The following ABCA7 variants were observed in gnomAD, a reference collection of about 807,000 sequenced individuals.
ABCA7 encodes the protein ATP binding cassette subfamily A member 7, also known as phospholipid-transporting ATPase ABCA7.
In ABCA7, 261 loss-of-function variants were observed where a neutral mutation model predicts 227.6. The observed-to-expected ratio is 1.15, with a 90% confidence interval of 1.04 to 1.27. ABCA7 has a LOEUF of 1.27. Among genes scored for constraint, ABCA7 ranks in the 50% most tolerant of loss-of-function variants. The pLI, the probability that ABCA7 is intolerant of heterozygous loss-of-function variation, is 0.00. For synonymous variants in ABCA7, 1,488 were observed against 1,279.7 expected (o/e 1.16, Z -3.47); for missense variants, 3,331 against 2,924.5 (o/e 1.14, Z -3.21).
chr19:1,041,877 G>C lies in ABCA7; in HGVS notation c.207G>C (p.Trp69Cys), dbSNP rs966435425. ...KPLPSAGTVP[W>C]LQGLICNVNN... ...TGCCATCGGCGGGCACCGTGCCCTGGCTCCAGGGTCTCATCTGTAATGTGA... is the reference window on the plus strand; with the variant it reads ...TGCCATCGGCGGGCACCGTGCCCTGCCTCCAGGGTCTCATCTGTAATGTGA... The change falls in exon 4 of 47, where the codon TGG (tryptophan) becomes TGC (cysteine). Residue 69 changes from tryptophan to cysteine, a missense_variant. By Grantham distance (215) the Trp-to-Cys change is radical. Transcript: ENST00000263094. 6.3e-7 allele frequency: 1 copy of C among 1,598,340 alleles called. No homozygotes were observed. Among genetic ancestry groups the C allele is most frequent in the Admixed American group, 1.7e-5 (1 of 58,540 alleles).
chr19:1,042,612 G>T (rs764543340), intron 6 of ABCA7, 134 bp from the exon 7 acceptor site: 17 of 1,062,848 alleles, frequency 1.6e-5, no homozygotes, highest in Non-Finnish European at 2.4e-5. Flanking sequence ...GAGTCCCTTT[G>T]CCTCTCAGAG....
In ABCA7 at chr19:1,046,399, G is replaced by A. The variant is rs1182653248; in HGVS notation, c.1615G>A (p.Asp539Asn). Residue 539 changes from aspartate to asparagine, a missense_variant, in exon 13 of 47, where the codon GAC (aspartate) becomes AAC (asparagine). Coordinates refer to ENST00000263094, the MANE Select transcript of ABCA7 (RefSeq NM_019112.4). ...LQQMPYPCYV[D>N]DVFLRVLSRS... ...GCAGATGCCCTATCCGTGCTATGTG[G>A]ACGACGTGTGAGCTCTGGCACCCCT... 6.4e-7 allele frequency: 1 copy of A among 1,551,814 alleles called. No homozygotes were observed. Among genetic ancestry groups the A allele is most frequent in the Non-Finnish European group, 8.7e-7 (1 of 1,151,418 alleles).
At chr19:1,053,196 C>T (rs2041930572) in intron 23 of ABCA7, 133 bp from the exon 24 acceptor site, 4 of 944,800 alleles carry the variant, frequency 4.2e-6, no homozygotes, top group Non-Finnish European at 4.7e-6. Flanking sequence ...CCCGGCCGCA[C>T]CTGGCCTACG....
Position 1,054,854 on chromosome 19 carries a change from C to A in ABCA7, c.3926C>A (p.Pro1309His). Residue 1309 changes from proline (P) to histidine (H), a missense_variant, in exon 29 of 47, where the codon CCC (proline) becomes CAC (histidine). Physicochemically the swap from Pro to His is moderately conservative, Grantham distance 77. Coordinates refer to ENST00000263094, the MANE Select transcript of ABCA7 (RefSeq NM_019112.4). This position sits in a 1 kb window ranked among gnomAD's most constrained non-coding sequence, Gnocchi z 4.8. The part of the protein sequence containing the change: ...ALLQEAGLEE[P>H]PVQHSSHRFS... Reference sequence around the variant, plus strand: ...CTGCAGGAGGCAGGACTGGAGGAGCCCCCAGTGCAGCATAGCTCCCACAGG... The same window carrying A: ...CTGCAGGAGGCAGGACTGGAGGAGCACCCAGTGCAGCATAGCTCCCACAGG... 1 of 1,562,900 alleles carries A rather than the reference C, an allele frequency of 6.4e-7. No individual in the cohort carries two copies.
In ABCA7 at chr19:1,046,424, T is replaced by TC. The variant is rs551137285; in HGVS notation, c.1622+22dup. 0.011 allele frequency: 16,009 copies of TC among 1,519,860 alleles called. 109 individuals are homozygous for TC. Among genetic ancestry groups the TC allele is most frequent in the Non-Finnish European group, 0.012 (13,635 of 1,137,158 alleles). The allele number at this position is 1,519,860 out of a possible 1,614,324, so 94.1% of individuals were successfully genotyped here. A position where few individuals can be genotyped will look rare whatever the true frequency, so the allele number is the denominator to read the frequency against. Reference sequence around the variant, plus strand: ...GACGACGTGTGAGCTCTGGCACCCCTCCCCGCTCTTCCCCGCGGCGGGAAG... The same window carrying TC: ...GACGACGTGTGAGCTCTGGCACCCCTCCCCCGCTCTTCCCCGCGGCGGGAAG... On this transcript the variant is annotated intron_variant, in intron 13 of 46. Coordinates refer to ENST00000263094, the MANE Select transcript of ABCA7 (RefSeq NM_019112.4).
At position 1,041,887 on chromosome 19, in the gene ABCA7, C is replaced by A; in HGVS notation, c.217C>A (p.Leu73Ile). 1 of 1,600,736 alleles carries A rather than the reference C, an allele frequency of 6.2e-7. No individual in the cohort carries two copies. Among genetic ancestry groups the A allele is most frequent in the Non-Finnish European group, 8.5e-7 (1 of 1,178,356 alleles). ...GGGCACCGTGCCCTGGCTCCAGGGT[C>A]TCATCTGTAATGTGAACAACACCTG... Reference protein sequence around the residue: ...SAGTVPWLQGLICNVNNTCFP... With the variant: ...SAGTVPWLQGIICNVNNTCFP... The change falls in exon 4 of 47, where the codon CTC becomes ATC. Residue 73 changes from leucine to isoleucine, a missense_variant. Leu to Ile is a conservative substitution (Grantham distance 5, BLOSUM62 2). Coordinates refer to ENST00000263094, the MANE Select transcript of ABCA7 (RefSeq NM_019112.4).
Position 1,056,317 on chromosome 19 carries a change from G to T in ABCA7, c.4417-13G>T. 6.2e-7 allele frequency: 1 copy of T among 1,611,194 alleles called. No individual in the cohort carries two copies. ...CCCATTGCTCTGACCCTATGACCTTGACCCCCACCCAGATCTGGTTCAACA... is the reference window on the plus strand; with the variant it reads ...CCCATTGCTCTGACCCTATGACCTTTACCCCCACCCAGATCTGGTTCAACA... On this transcript the variant is annotated splice_polypyrimidine_tract_variant and intron_variant, in intron 32 of 46. Transcript: ENST00000263094. This position sits in a 1 kb window ranked among gnomAD's most constrained non-coding sequence, Gnocchi z 4.3.
intron 3 of ABCA7, 40 bp downstream of exon 3, chr19:1,041,643 G>A: frequency 6.2e-7 from 1 of 1,600,386 alleles, no homozygotes; most frequent in African/African-American, 1.3e-5. Context: ...TGTGTGTAGG[G>A]GAAGGCAGAT....
In ABCA7 at chr19:1,041,401, A is replaced by G. The variant is rs2040020734; in HGVS notation, c.40A>G (p.Asn14Asp). 6.2e-7 allele frequency: 1 copy of G among 1,613,936 alleles called. No individual in the cohort carries two copies. Among genetic ancestry groups the G allele is most frequent in the Non-Finnish European group, 8.5e-7 (1 of 1,180,038 alleles). Residue 14 changes from asparagine (N) to aspartate (D), a missense_variant, in exon 2 of 47, where the codon AAT becomes GAT. By Grantham distance (23) the Asn-to-Asp change is conservative. Coordinates refer to ENST00000263094, the MANE Select transcript of ABCA7 (RefSeq NM_019112.4). ...WTQLMLLLWKNFMYRRRQPVQ... is the reference protein window; with the variant it reads ...WTQLMLLLWKDFMYRRRQPVQ... ...ACAGCTGATGCTGCTGCTCTGGAAG[A>G]ATTTCATGTATCGCCGGAGACAGCC...
Position 1,043,351 on chromosome 19 carries a change from C to G in ABCA7, c.808C>G (p.Leu270Val). 6.2e-7 allele frequency: 1 copy of G among 1,613,060 alleles called. No individual in the cohort carries two copies. The highest frequency in any genetic ancestry group is 8.5e-7 in the Non-Finnish European group (1 of 1,179,952). ...CATCCCAGGCCCCGCCTGCTCGGAG[C>G]TGATTGGAGCCCTGGACAGCCACCC... is the stretch of plus-strand genomic sequence containing the variant. ...DSSLSPACSE[L>V]IGALDSHPLS... Residue 270 changes from leucine (L) to valine (V), a missense_variant, in exon 9 of 47, where the codon CTG (leucine) becomes GTG (valine). Leu to Val is a conservative substitution (Grantham distance 32, BLOSUM62 1). Coordinates refer to ENST00000263094, the MANE Select transcript of ABCA7 (RefSeq NM_019112.4).
At chr19:1,062,040 G>A in intron 41 of ABCA7, 132 bp from the exon 42 acceptor site, 1 of 1,477,698 alleles carries the variant, frequency 6.8e-7, no homozygotes, top group Non-Finnish European at 9.1e-7. Flanking sequence ...CCCACACGCG[G>A]ACCAGGCCCT....
chr19:1,062,970 G>C lies in ABCA7; in HGVS notation c.5713-574G>C, dbSNP rs1462506178. 5.1e-3 allele frequency among the ~76,000 whole-genome samples: 524 copies of C among 102,234 alleles called. 1 individual carries two copies. The highest frequency in any genetic ancestry group is 0.024 in the Middle Eastern group (3 of 126). The allele number at this position is 102,234 out of a possible 152,430, so 67.1% of individuals were successfully genotyped here. On this transcript the variant is annotated intron_variant, in intron 42 of 46. Coordinates refer to ENST00000263094, the MANE Select transcript of ABCA7 (RefSeq NM_019112.4). ...ATGGCCCCGCCCCATACTCATGCTG[G>C]CTCCACCCACACCATGGCCCCGCCC...
chr19:1,055,869 T>C, intron 30 of ABCA7, 38 bp from the exon 31 acceptor site: 2 of 1,541,988 alleles, frequency 1.3e-6, no homozygotes, highest in Non-Finnish European at 1.8e-6. Context: ...CTGTCCCACA[T>C]CCCTGTCTGC....
chr19:1,059,032 G>A lies in ABCA7; in HGVS notation c.5410G>A (p.Gly1804Arg), dbSNP rs1359514003. The A allele has an allele frequency of 6.2e-7, 1 of 1,613,902 alleles. No homozygotes were observed. The highest frequency in any genetic ancestry group is 8.5e-7 in the Non-Finnish European group (1 of 1,179,974). ...ACCTGCACTCTCCCAGGTATACCGT[G>A]GGCAGAGGATGCCAGCTGTTGACCG... ...VLRNLTKVYR[G>R]QRMPAVDRLC... The change falls in exon 40 of 47, where the codon GGG becomes AGG. Residue 1804 changes from glycine (G) to arginine (R), a missense_variant. Gly to Arg is a moderately radical substitution (Grantham distance 125). Coordinates refer to ENST00000263094, the MANE Select transcript of ABCA7 (RefSeq NM_019112.4).
chr19:1,047,240 C>A lies in ABCA7; in HGVS notation c.1929C>A (p.Ser643Arg), dbSNP rs1408562566. The change falls in exon 15 of 47, where the codon AGC becomes AGA. Residue 643 changes from serine to arginine, a missense_variant. By Grantham distance (110) the Ser-to-Arg change is moderately radical (BLOSUM62 -1). Coordinates refer to ENST00000263094, the MANE Select transcript of ABCA7 (RefSeq NM_019112.4). ...TCGCGGTGGCCACGGTGACCCAGAGCTTCCTGCTCAGCGCCTTCTTCTCCC... is the reference window on the plus strand; with the variant it reads ...TCGCGGTGGCCACGGTGACCCAGAGATTCCTGCTCAGCGCCTTCTTCTCCC... ...AAFAVATVTQ[S>R]FLLSAFFSRA... The A allele has an allele frequency of 6.2e-7, 1 of 1,608,462 alleles. No individual in the cohort carries two copies. The highest frequency in any genetic ancestry group is 1.7e-5 in the Admixed American group (1 of 59,894).
chr19:1,063,813 C>G lies in ABCA7; in HGVS notation c.5901C>G (p.Ser1967Arg). The change falls in exon 44 of 47, where the codon AGC becomes AGG. Residue 1967 changes from serine to arginine, a missense_variant. Physicochemically the swap from Ser to Arg is moderately radical, Grantham distance 110. Transcript: ENST00000263094. The stretch of plus-strand genomic sequence containing the variant: ...GCGCGCGGCGCTTCCTTTGGAACAG[C>G]CTTTTGGCCGTGGTGCGGGAGGGCC... ...DPSARRFLWN[S>R]LLAVVREGRS... 1.3e-6 allele frequency: 2 copies of G among 1,545,444 alleles called. No homozygotes were observed. The highest frequency in any genetic ancestry group is 1.7e-6 in the Non-Finnish European group (2 of 1,145,420).
chr19:1,056,506 C>T lies in ABCA7; in HGVS notation c.4586+7C>T. The T allele has an allele frequency of 6.2e-7, 1 of 1,609,200 alleles. No homozygotes were observed. The highest frequency in any genetic ancestry group is 8.5e-7 in the Non-Finnish European group (1 of 1,177,850). On this transcript the variant is annotated splice_region_variant and intron_variant, in intron 33 of 46. Transcript: ENST00000263094. This position sits in a 1 kb window ranked among gnomAD's most constrained non-coding sequence, Gnocchi z 4.3. Reference sequence around the variant, plus strand: ...AGCTGTCTGAGGGTGCACTGTGAGTCCCTCCACCCTGCATGTCCTACCCTG... The same window carrying T: ...AGCTGTCTGAGGGTGCACTGTGAGTTCCTCCACCCTGCATGTCCTACCCTG...
Position 1,049,383 on chromosome 19 carries a change from A to G in ABCA7, c.2498A>G (p.Gln833Arg). The stretch of plus-strand genomic sequence containing the variant: ...CGGGGGCTCAGCCTGGACTTCTACC[A>G]GGGCCACATCACCGCCTTCCTGGGC... ...ALRGLSLDFY[Q>R]GHITAFLGHN... is the part of the protein sequence containing the mutation. Residue 833 changes from glutamine to arginine, a missense_variant, in exon 18 of 47, where the codon CAG (glutamine) becomes CGG (arginine). Gln to Arg is a conservative substitution (Grantham distance 43). Transcript: ENST00000263094. 2 of 1,610,986 alleles carry G rather than the reference A, an allele frequency of 1.2e-6. No homozygotes were observed. Among genetic ancestry groups the G allele is most frequent in the Non-Finnish European group, 1.7e-6 (2 of 1,178,928 alleles).
Position 1,061,888 on chromosome 19 carries a change from G to A in ABCA7, c.5570G>A (p.Ser1857Asn), listed in dbSNP as rs141913688. Residue 1857 changes from serine (S) to asparagine (N), a missense_variant and splice_region_variant, in exon 41 of 47, where the codon AGC (serine) becomes AAC (asparagine). Ser to Asn is a conservative substitution (Grantham distance 46). Transcript: ENST00000263094. ...GGCGAGGCTGTGCTGGCAGGCCACA[G>A]GTGAGGGGTGCCAGGTAGGGTCAGG... ...SRGEAVLAGH[S>N]VAREPSAAHL... 34 of 1,584,870 alleles carry A rather than the reference G, an allele frequency of 2.1e-5. No homozygotes were observed. The highest frequency in any genetic ancestry group is 2.9e-5 in the Non-Finnish European group (34 of 1,168,146).
Sources: gnomAD v4.1 joint callset for allele counts (sites outside exome capture counted in the v4.1 genomes callset) on GRCh38, gnomAD v4.1.1 for gene constraint, Gnocchi (gnomAD v3.1) non-coding constraint, MANE v1.5 for transcripts, NCBI Gene and HGNC (gene_info 2026-07-23, HGNC 2026-07-21) for gene names.